The following NBEA variants were observed in gnomAD, a reference collection of about 807,000 sequenced individuals.
The protein encoded by NBEA is lysosomal-trafficking regulator 2.
NBEA carries 44 observed loss-of-function variants against 343.4 expected under a neutral mutation model. That is an observed-to-expected ratio of 0.13 (90% confidence interval 0.10 to 0.16). The LOEUF (loss-of-function observed/expected upper bound fraction) is 0.16, where lower values mean the gene tolerates loss of function less well. NBEA is among the 10% of genes least tolerant of loss of function. The pLI is 1.00. For synonymous variants in NBEA, 1,175 were observed against 1,238.7 expected (o/e 0.95, Z 1.08); for missense variants, 2,555 against 3,631.3 (o/e 0.70, Z 7.62).
chr13:35,073,082 GT>G (rs1182584029), intron 10 of NBEA, among the ~76,000 whole-genome samples: 1 of 152,054 alleles, frequency 6.6e-6, no homozygotes, highest in African/African-American at 2.4e-5. Flanking sequence ...GTTATTTAAT[GT>G]TTTATAGGGA....
chr13:35,261,652 C>G (rs1049033738), intron 34 of NBEA, among the ~76,000 whole-genome samples: 3 of 151,922 alleles, frequency 2.0e-5, no homozygotes, highest in Non-Finnish European at 2.9e-5. Flanking sequence ...ATATTTTATA[C>G]TGATTAAGAA....
At chr13:35,288,462 C>G in intron 34 of NBEA, among the ~76,000 whole-genome samples, 1 of 151,864 alleles carries the variant, frequency 6.6e-6, no homozygotes, top group Non-Finnish European at 1.5e-5. Context: ...TCACAATAGC[C>G]TTTTACAAAA....
chr13:35,112,077 C>T (rs566420513), intron 13 of NBEA, among the ~76,000 whole-genome samples: 1 of 151,758 alleles, frequency 6.6e-6, no homozygotes, highest in South Asian at 2.1e-4. Context: ...CCAGCACGCC[C>T]GGCTAATTTT....
intron 34 of NBEA, among the ~76,000 whole-genome samples, chr13:35,286,455 G>A (rs924606699): frequency 1.3e-5 from 2 of 152,068 alleles, no homozygotes; most frequent in African/African-American, 2.4e-5. Context: ...CCATATAAGA[G>A]CATGATTTCT....
chr13:35,034,987 C>T (rs977166000), intron 1 of NBEA, among the ~76,000 whole-genome samples: 1 of 151,690 alleles, frequency 6.6e-6, no homozygotes, highest in Admixed American at 6.6e-5. Context: ...TTTCATTGAT[C>T]TGTTGTATTG....
intron 33 of NBEA, among the ~76,000 whole-genome samples, chr13:35,223,496 T>C (rs1006061554): frequency 6.6e-6 from 1 of 152,234 alleles, no homozygotes; most frequent in Non-Finnish European, 1.5e-5. Flanking sequence ...AATGAGAATG[T>C]CATTCTTATC....
chr13:34,962,218 TAGAA>T (rs2059683120), intron 1 of NBEA, among the ~76,000 whole-genome samples: 1 of 152,050 alleles, frequency 6.6e-6, no homozygotes, highest in Non-Finnish European at 1.5e-5. Context: ...ATTAGAAGTA[TAGAA>T]AGAAACTAAA....
chr13:35,471,294 G>C (rs2075636655), intron 40 of NBEA, among the ~76,000 whole-genome samples: 2 of 152,132 alleles, frequency 1.3e-5, no homozygotes, highest in South Asian at 4.1e-4. Flanking sequence ...GGCCGAGGGC[G>C]GTGTCGGCGC....
intron 53 of NBEA, among the ~76,000 whole-genome samples, chr13:35,653,716 C>T (rs1419409595): frequency 1.3e-5 from 2 of 152,168 alleles, no homozygotes; most frequent in Non-Finnish European, 2.9e-5. Flanking sequence ...TACTTATACC[C>T]ATACACAAAA....
chr13:35,384,629 G>A (rs1375815070), intron 38 of NBEA, among the ~76,000 whole-genome samples: 1 of 150,330 alleles, frequency 6.7e-6, no homozygotes, highest in East Asian at 2.0e-4. Context: ...AGGTTCAGGC[G>A]ATTCTTGTGC....
chr13:35,281,665 ATTAT>A (rs745378541), intron 34 of NBEA, among the ~76,000 whole-genome samples: 1 of 152,122 alleles, frequency 6.6e-6, no homozygotes, highest in Non-Finnish European at 1.5e-5. Flanking sequence ...TACATGATAT[ATTAT>A]TTAAGTATTT....
chr13:35,574,530 CG>C (rs2080634392), intron 45 of NBEA, among the ~76,000 whole-genome samples: 1 of 151,998 alleles, frequency 6.6e-6, no homozygotes, highest in Non-Finnish European at 1.5e-5. Context: ...AAAAGAAATG[CG>C]GTCAGTGAGC....
intron 38 of NBEA, among the ~76,000 whole-genome samples, chr13:35,407,707 A>G (rs1252271453): frequency 1.3e-5 from 2 of 152,170 alleles, no homozygotes. Context: ...GCATTGCTAT[A>G]CATCATCAAC....
At chr13:35,095,518 T>C (rs1235427875) in intron 10 of NBEA, among the ~76,000 whole-genome samples, 1 of 151,720 alleles carries the variant, frequency 6.6e-6, no homozygotes, top group East Asian at 1.9e-4. Flanking sequence ...CTTTAAAATA[T>C]GATACTTGAA....
intron 10 of NBEA, among the ~76,000 whole-genome samples, chr13:35,092,216 A>G (rs1322478319): frequency 6.6e-6 from 1 of 152,122 alleles, no homozygotes; most frequent in East Asian, 1.9e-4. Flanking sequence ...CTCACAATTT[A>G]TATGAAACTT....
At chr13:35,625,634 A>C (rs868085726) in intron 48 of NBEA, among the ~76,000 whole-genome samples, 10 of 150,598 alleles carry the variant, frequency 6.6e-5, no homozygotes, top group Middle Eastern at 3.4e-3. Flanking sequence ...AAAAAATAAT[A>C]ATAATAAAAT....
intron 34 of NBEA, among the ~76,000 whole-genome samples, chr13:35,239,954 C>A (rs1292448305): frequency 6.6e-6 from 1 of 151,596 alleles, no homozygotes; most frequent in Non-Finnish European, 1.5e-5. Flanking sequence ...CAGGAGCTAA[C>A]TTAAAGAAAT....
intron 45 of NBEA, among the ~76,000 whole-genome samples, chr13:35,580,747 C>A (rs1346712991): frequency 6.6e-6 from 1 of 152,042 alleles, no homozygotes; most frequent in Non-Finnish European, 1.5e-5. Flanking sequence ...TAATTTCTAA[C>A]CTTATTAGGT....
Position 35,672,238 on chromosome 13 carries a change from A to G in NBEA, c.*1247A>G, listed in dbSNP as rs2085642458. 1 of 152,622 alleles carries G rather than the reference A, an allele frequency of 6.6e-6. No individual in the cohort carries two copies. The highest frequency in any genetic ancestry group is 1.5e-5 in the Non-Finnish European group (1 of 68,048). The allele number at this position is 152,622 out of a possible 1,614,324, so 9.5% of individuals were successfully genotyped here. On this transcript the variant is annotated 3_prime_UTR_variant, in exon 59 of 59. Transcript: ENST00000379939. Reference sequence around the variant, plus strand: ...GGTGACTGTATCGTCATAGATGTACATATTGTGTCGGTAGGGCTATGAGGC... The same window carrying G: ...GGTGACTGTATCGTCATAGATGTACGTATTGTGTCGGTAGGGCTATGAGGC...
Sources: allele counts gnomAD v4.1 joint callset (sites outside exome capture counted in the v4.1 genomes callset), GRCh38; gene constraint gnomAD v4.1.1; transcripts MANE v1.5; gene names NCBI Gene and HGNC (gene_info 2026-07-23, HGNC 2026-07-21).